RXFP2: variants seen among roughly 807,000 people sequenced by gnomAD.
The protein encoded by RXFP2 is relaxin receptor 2.
Under a neutral mutation model 88.6 loss-of-function variants are expected in RXFP2, and 68 were observed. The observed-to-expected ratio is 0.77, with a 90% CI of 0.63 to 0.94. The LOEUF is 0.94. Ranked by LOEUF, RXFP2 falls within the 40% of genes least tolerant of loss-of-function variation. The probability of loss-of-function intolerance (pLI) is 0.00; values close to 1 mark genes in which losing one functional copy is unlikely to be tolerated. For missense variants in RXFP2, 791 were observed against 893.9 expected, an observed-to-expected ratio of 0.88 and a Z score of 1.47; for synonymous variants, 329 against 306.8, an observed-to-expected ratio of 1.07 and a Z score of -0.76.
intron 5 of RXFP2, among the ~76,000 whole-genome samples, chr13:31,773,422 C>CT (rs74545763): frequency 0.035 from 4,991 of 143,178 alleles, 87 homozygotes; most frequent in Middle Eastern, 0.085. Flanking sequence ...CCTGTCCTGG[C>CT]TTTTTTTTTT....
intron 11 of RXFP2, among the ~76,000 whole-genome samples, chr13:31,784,164 G>A (rs776158728): frequency 4.0e-5 from 6 of 151,638 alleles, no homozygotes; most frequent in Non-Finnish European, 7.4e-5. Flanking sequence ...AGGAAACAGT[G>A]GTACAGAGTC....
intron 7 of RXFP2, among the ~76,000 whole-genome samples, chr13:31,776,253 C>CTTTTTT (rs149978498): frequency 7.1e-5 from 6 of 84,394 alleles, no homozygotes; most frequent in Admixed American, 1.5e-4. Context: ...CTCTTTCCTT[C>CTTTTTT]TTTTTTTTTT....
intron 1 of RXFP2, among the ~76,000 whole-genome samples, chr13:31,740,937 A>G (rs1490599338): frequency 6.6e-6 from 1 of 152,048 alleles, no homozygotes; most frequent in Non-Finnish European, 1.5e-5. Context: ...ATTCAATTTT[A>G]TACAATTTTA....
chr13:31,753,996 C>G (rs1232149252), intron 1 of RXFP2, among the ~76,000 whole-genome samples: 1 of 152,108 alleles, frequency 6.6e-6, no homozygotes, highest in Non-Finnish European at 1.5e-5. Context: ...CAGGAAGATG[C>G]CACTCTGGGG....
chr13:31,746,596 G>A (rs989040064), intron 1 of RXFP2, among the ~76,000 whole-genome samples: 4 of 152,134 alleles, frequency 2.6e-5, no homozygotes, highest in African/African-American at 7.2e-5. Flanking sequence ...AATCTCTTCT[G>A]ATTTGGGGCC....
Position 31,791,846 on chromosome 13 carries a change from G to C in RXFP2, c.1186G>C (p.Val396Leu). ...NFRYCSYAPH[V>L]RICMPLTDGI... ...TCGATACTGCTCCTATGCTCCCCAT[G>C]TCCGAATATGTATGCCCTTGACGGA... Residue 396 changes from valine to leucine, a missense_variant, in exon 15 of 18, where the codon GTC (valine) becomes CTC (leucine). Coordinates refer to ENST00000298386, the MANE Select transcript of RXFP2 (RefSeq NM_130806.5). The C allele has an allele frequency of 1.2e-6, 2 of 1,614,078 alleles. No individual in the cohort carries two copies. The highest frequency in any genetic ancestry group is 1.7e-6 in the Non-Finnish European group (2 of 1,179,988).
chr13:31,801,377 C>G (rs116477872), intron 17 of RXFP2, among the ~76,000 whole-genome samples: 122 of 152,070 alleles, frequency 8.0e-4, no homozygotes, highest in African/African-American at 2.7e-3. Flanking sequence ...TCACCAGCCC[C>G]CTTTAACAGA....
chr13:31,767,203 A>G (rs1172875377), intron 5 of RXFP2, among the ~76,000 whole-genome samples: 3 of 152,210 alleles, frequency 2.0e-5, no homozygotes, highest in African/African-American at 7.2e-5. Flanking sequence ...CAAGAAAAGA[A>G]GTAGCTAATG....
In RXFP2 at chr13:31,802,547, T is replaced by C; in HGVS notation, c.*142T>C. The C allele has an allele frequency of 1.1e-6, 1 of 885,778 alleles. No individual in the cohort carries two copies. The highest frequency in any genetic ancestry group is 1.9e-6 in the Non-Finnish European group (1 of 539,640). 54.9% of individuals were successfully genotyped at this position (885,778 alleles called of 1,614,324 possible). A position where few individuals can be genotyped will look rare whatever the true frequency, so the allele number is the denominator to read the frequency against. ...AGCACAGCAGAATGGCTCCTGTCACTGCATTCCAATGGCAGCTGTACTATC... is the reference window on the plus strand; with the variant it reads ...AGCACAGCAGAATGGCTCCTGTCACCGCATTCCAATGGCAGCTGTACTATC... On this transcript the variant is annotated 3_prime_UTR_variant, in exon 18 of 18. Transcript: ENST00000298386.
intron 4 of RXFP2, among the ~76,000 whole-genome samples, chr13:31,765,651 G>A (rs1249063794): frequency 6.6e-6 from 1 of 152,084 alleles, no homozygotes; most frequent in Admixed American, 6.5e-5. Context: ...GGGATCTTTG[G>A]CTGGTTTTTG....
chr13:31,792,485 T>C (rs1593470754), intron 15 of RXFP2, among the ~76,000 whole-genome samples, 193 bp from the exon 16 acceptor site: 1 of 152,226 alleles, frequency 6.6e-6, no homozygotes, highest in Non-Finnish European at 1.5e-5. Flanking sequence ...CATAGTGTAG[T>C]ACTTTAGAAA....
intron 5 of RXFP2, among the ~76,000 whole-genome samples, chr13:31,772,005 A>AGT (rs1343828472): frequency 1.1e-5 from 1 of 91,568 alleles, no homozygotes; most frequent in Non-Finnish European, 2.4e-5. Context: ...TTGCCAGATG[A>AGT]ATGTGTTGCT....
chr13:31,765,934 T>C, intron 4 of RXFP2, 22 bp from the exon 5 acceptor site: 1 of 1,274,432 alleles, frequency 7.8e-7, no homozygotes, highest in Non-Finnish European at 1.1e-6. Flanking sequence ...CATAATGAAG[T>C]TTGCTTTACA....
chr13:31,759,409 G>GAAAGAAAGAAAT (rs1872168202), intron 2 of RXFP2, among the ~76,000 whole-genome samples: 1 of 149,772 alleles, frequency 6.7e-6, no homozygotes, highest in Non-Finnish European at 1.5e-5. Flanking sequence ...AAGAAAGAAA[G>GAAAGAAAGAAAT]AAAGAAAGAA....
intron 5 of RXFP2, among the ~76,000 whole-genome samples, chr13:31,768,210 C>T (rs1409245541): frequency 6.6e-6 from 1 of 152,160 alleles, no homozygotes; most frequent in Non-Finnish European, 1.5e-5. Context: ...CTGAATATCA[C>T]CTGACAGGGC....
At chr13:31,772,662 G>A (rs1348038732) in intron 5 of RXFP2, among the ~76,000 whole-genome samples, 2 of 152,178 alleles carry the variant, frequency 1.3e-5, no homozygotes, top group Admixed American at 6.6e-5. Context: ...GACATGGAAC[G>A]TAGGAGGGAC....
At chr13:31,778,373 C>T in intron 8 of RXFP2, 139 bp from the exon 9 acceptor site, 1 of 641,410 alleles carries the variant, frequency 1.6e-6, no homozygotes, top group Non-Finnish European at 2.7e-6. Flanking sequence ...TTTTAAAGAC[C>T]ATTTTGAAAT....
intron 1 of RXFP2, among the ~76,000 whole-genome samples, chr13:31,750,675 G>T (rs756061439): frequency 1.3e-5 from 2 of 152,178 alleles, no homozygotes; most frequent in Non-Finnish European, 2.9e-5. Context: ...TGGGGACAAA[G>T]GTTGGATGTG....
intron 9 of RXFP2, among the ~76,000 whole-genome samples, chr13:31,779,026 C>T (rs1873131985): frequency 2.0e-5 from 3 of 152,104 alleles, no homozygotes; most frequent in African/African-American, 4.8e-5. Context: ...TGTACTCCCA[C>T]ACATTACATC....
Sources: allele counts gnomAD v4.1 joint callset (sites outside exome capture counted in the v4.1 genomes callset), GRCh38; gene constraint gnomAD v4.1.1; transcripts MANE v1.5; gene names NCBI Gene and HGNC (gene_info 2026-07-23, HGNC 2026-07-21).